Variants in TP53BP1 observed in about 807,000 individuals in gnomAD.
TP53BP1 encodes the protein tumor protein p53 binding protein 1, also known as TP53-binding protein 1.
Under a neutral mutation model 200.8 loss-of-function variants are expected in TP53BP1, and 61 were observed. The ratio of observed to expected loss-of-function variants is 0.30; its 90% confidence interval spans 0.25 to 0.38. The LOEUF is 0.38. Ranked by LOEUF, TP53BP1 falls within the 10% of genes least tolerant of loss-of-function variation. The pLI is 1.00. For synonymous variants in TP53BP1, 822 were observed against 844.3 expected, an observed-to-expected ratio of 0.97 and a Z score of 0.46; for missense variants, 2,144 against 2,371.9, an observed-to-expected ratio of 0.90 and a Z score of 2.00.
intron 16 of TP53BP1, among the ~76,000 whole-genome samples, chr15:43,437,870 A>G (rs887361103): frequency 1.1e-4 from 17 of 152,200 alleles, no homozygotes; most frequent in Admixed American, 1.0e-3. Context: ...AAATTGATAA[A>G]GAAAAAGATT....
At chr15:43,492,969 C>T in intron 1 of TP53BP1, 68 bp downstream of exon 1, 1 of 1,603,688 alleles carries the variant, frequency 6.2e-7, no homozygotes, top group Non-Finnish European at 8.5e-7. Flanking sequence ...CTCCGGTCAG[C>T]CATCCCTTCA....
At chr15:43,473,350 G>A (rs527900562) in intron 10 of TP53BP1, among the ~76,000 whole-genome samples, 4 of 152,296 alleles carry the variant, frequency 2.6e-5, no homozygotes, top group Admixed American at 2.6e-4. Context: ...GGTCTGTGCT[G>A]ACAGGGGGCT....
At chr15:43,420,175 T>C (rs970140247) in intron 21 of TP53BP1, 130 bp downstream of exon 21, 110 of 892,834 alleles carry the variant, frequency 1.2e-4, no homozygotes, top group Non-Finnish European at 1.6e-4. Flanking sequence ...ACCAATTTTG[T>C]AGGAATGAAA....
At chr15:43,457,530 G>A (rs1367052079) in intron 11 of TP53BP1, among the ~76,000 whole-genome samples, 1 of 151,886 alleles carries the variant, frequency 6.6e-6, no homozygotes, top group South Asian at 2.1e-4. Flanking sequence ...AAATCAGCCA[G>A]GCGTGGTGGT....
In TP53BP1 at chr15:43,480,916, T is replaced by A; in HGVS notation, c.478A>T (p.Thr160Ser). 1 of 1,614,162 alleles carries A rather than the reference T, an allele frequency of 6.2e-7. No individual in the cohort carries two copies. The highest frequency in any genetic ancestry group is 1.1e-5 in the South Asian group (1 of 91,088). ...CTACCTTCAGCACCAAGGGAATGTG[T>A]AGTATTGCCTGAAGTATCTTCTTCC... ...EKEEDTSGNT[T>S]HSLGAEDTAS... The change falls in exon 5 of 28, where the codon ACA becomes TCA. Residue 160 changes from threonine to serine, a missense_variant. Thr to Ser is a moderately conservative substitution (Grantham distance 58). Around this residue, in one of 4 missense-constraint regions of TP53BP1, gnomAD observed 1,700 missense variants for 1,710.3 expected, o/e 0.99. Coordinates refer to ENST00000382044, the MANE Select transcript of TP53BP1 (RefSeq NM_001141980.3).
chr15:43,407,431 A>C lies in TP53BP1; in HGVS notation c.5886T>G (p.Ile1962Met), dbSNP rs1381178101. The C allele has an allele frequency of 3.7e-6, 6 of 1,614,084 alleles. No individual in the cohort carries two copies. Among genetic ancestry groups the C allele is most frequent in the Admixed American group, 1.7e-5 (1 of 60,006 alleles). ...TATATTTTGGATGCTGCTTGAATCC[A>C]ATTCTCTCCCCAACAATGAGGCACT... Reference protein sequence around the residue: ...VIQCLIVGERIGFKQHPKYKH... With the variant: ...VIQCLIVGERMGFKQHPKYKH... The change falls in exon 28 of 28, where the codon ATT becomes ATG. Residue 1962 changes from isoleucine to methionine, a missense_variant. Ile to Met is a conservative substitution (Grantham distance 10). Around this residue, in one of 4 missense-constraint regions of TP53BP1, gnomAD observed 334 missense variants for 453.4 expected, o/e 0.74. Transcript: ENST00000382044.
At chr15:43,480,662 T>C (rs2078951804) in intron 5 of TP53BP1, among the ~76,000 whole-genome samples, 3 of 152,026 alleles carry the variant, frequency 2.0e-5, no homozygotes, top group Admixed American at 6.6e-5. Flanking sequence ...GAAAAACAAA[T>C]GAATACAAGA....
intron 7 of TP53BP1, among the ~76,000 whole-genome samples, 193 bp from the exon 8 acceptor site, chr15:43,477,952 T>G (rs1054737497): frequency 6.6e-6 from 1 of 152,230 alleles, no homozygotes; most frequent in African/African-American, 2.4e-5. Context: ...TTTTAAAACC[T>G]GTCTCACTCT....
At position 43,408,713 on chromosome 15, in the gene TP53BP1, TC is replaced by T. The variant is rs1414369275; in HGVS notation, c.5600+183del. The T allele has an allele frequency of 9.8e-6, 6 of 610,082 alleles. No homozygotes were observed. In the African/African-American group the frequency reaches 1.1e-4, roughly 11 times the overall value. 37.8% of individuals were successfully genotyped at this position (610,082 alleles called of 1,614,324 possible). On this transcript the variant is annotated intron_variant, in intron 26 of 27. Transcript: ENST00000382044. ...AAATCTTCACACATTTGCAAAAGGT[TC>T]CTAGCCAATGTAACCTAGGGAAATA...
chr15:43,431,569 G>A (rs1265704003), intron 17 of TP53BP1, among the ~76,000 whole-genome samples: 1 of 151,952 alleles, frequency 6.6e-6, no homozygotes, highest in African/African-American at 2.4e-5. Flanking sequence ...TACTAGTACC[G>A]ACACTTCCCT....
At chr15:43,482,423 G>A (rs936010711) in intron 4 of TP53BP1, among the ~76,000 whole-genome samples, 1 of 151,872 alleles carries the variant, frequency 6.6e-6, no homozygotes, top group African/African-American at 2.4e-5. Flanking sequence ...ATCATTTAAG[G>A]TTAGTTCAAA....
Position 43,403,973 on chromosome 15 carries a change from C to G in TP53BP1, c.*3410G>C. The G allele has an allele frequency of 1.7e-6, 1 of 578,124 alleles. No individual in the cohort carries two copies. The highest frequency in any genetic ancestry group is 3.0e-6 in the Non-Finnish European group (1 of 328,934). 35.8% of individuals were successfully genotyped at this position (578,124 alleles called of 1,614,324 possible). On this transcript the variant is annotated 3_prime_UTR_variant, in exon 28 of 28. Transcript: ENST00000382044. ...TCAGTTGATTTTGAAGCAGGTAATA[C>G]TGTGCCACCTCACAGTGCTCAAAAA...
chr15:43,467,732 T>A (rs2046620504), intron 11 of TP53BP1, among the ~76,000 whole-genome samples: 1 of 152,058 alleles, frequency 6.6e-6, no homozygotes, highest in Non-Finnish European at 1.5e-5. Context: ...TTTAAATCAG[T>A]GTTGGAAGAA....
rs753682805 is a variant in TP53BP1 at position 43,441,624 on chromosome 15, C to A, written c.3041-41G>T. 3.5e-6 allele frequency: 5 copies of A among 1,446,714 alleles called. No homozygotes were observed. In the African/African-American group the frequency reaches 5.6e-5, roughly 16 times the overall value. The allele number at this position is 1,446,714 out of a possible 1,614,324, so 89.6% of individuals were successfully genotyped here. On this transcript the variant is annotated intron_variant, in intron 14 of 27. Transcript: ENST00000382044. ...ACCAAGGAGAGAAAGGAAAGAGAAA[C>A]AGAATTTAGTTAGTATCACACCTAA...
At chr15:43,424,962 G>GAGTTATCACAGGAGTGGGTT (rs569486710) in intron 18 of TP53BP1, among the ~76,000 whole-genome samples, 40 of 152,302 alleles carry the variant, frequency 2.6e-4, no homozygotes, top group South Asian at 8.3e-4. Flanking sequence ...ACAGATTAAT[G>GAGTTATCACAGGAGTGGGTT]AGTTATCACA....
intron 10 of TP53BP1, among the ~76,000 whole-genome samples, chr15:43,470,311 G>C (rs1467890480): frequency 6.6e-6 from 1 of 152,124 alleles, no homozygotes; most frequent in African/African-American, 2.4e-5. Flanking sequence ...TGCATCTGGG[G>C]CTACCCACCC....
At chr15:43,471,801 C>T (rs518288) in intron 10 of TP53BP1, among the ~76,000 whole-genome samples, 69,545 of 152,096 alleles carry the variant, frequency 0.46, 20,559 homozygotes, top group African/African-American at 0.84. Context: ...ATAAAAGAAA[C>T]TGTTTTAAGA....
chr15:43,491,394 T>C (rs897605476), intron 4 of TP53BP1, among the ~76,000 whole-genome samples: 1 of 152,212 alleles, frequency 6.6e-6, no homozygotes, highest in African/African-American at 2.4e-5. Context: ...AAATACTTTT[T>C]AATAATTTTT....
At chr15:43,499,127 G>A (rs2079196759) in intron 1 of TP53BP1, among the ~76,000 whole-genome samples, 1 of 152,046 alleles carries the variant, frequency 6.6e-6, no homozygotes. Context: ...GAATATAAGA[G>A]AAGACTTCAG....
Sources: gnomAD v4.1 joint callset for allele counts (sites outside exome capture counted in the v4.1 genomes callset) on GRCh38, gnomAD v4.1.1 for gene constraint, gnomAD v4.1.1 regional missense constraint, MANE v1.5 for transcripts, NCBI Gene and HGNC (gene_info 2026-07-23, HGNC 2026-07-21) for gene names.